The following BTBD7 variants were observed in gnomAD, a reference collection of about 807,000 sequenced individuals.
BTBD7 encodes the protein BTB/POZ domain-containing protein 7.
A neutral mutation model predicts 99.9 loss-of-function variants in BTBD7; 38 were observed. The ratio of observed to expected loss-of-function variants is 0.38; its 90% CI spans 0.29 to 0.50. The LOEUF is 0.50. Ranked by LOEUF, BTBD7 falls within the 20% of genes least tolerant of loss-of-function variation. The pLI, the probability that BTBD7 is intolerant of heterozygous loss-of-function variation, is 0.93. For missense variants in BTBD7, 1,170 were observed against 1,394.6 expected (o/e 0.84, Z 2.57); for synonymous variants, 520 against 511.4 (o/e 1.02, Z -0.23).
intron 10 of BTBD7, among the ~76,000 whole-genome samples, chr14:93,243,651 T>C (rs919288650): frequency 2.0e-5 from 3 of 152,228 alleles, no homozygotes; most frequent in African/African-American, 7.2e-5. Flanking sequence ...ATATAATCTG[T>C]CACTAAATCT....
chr14:93,280,751 T>C (rs2052709332), intron 3 of BTBD7, among the ~76,000 whole-genome samples: 1 of 152,136 alleles, frequency 6.6e-6, no homozygotes, highest in African/African-American at 2.4e-5. Context: ...AGGCAATTTC[T>C]GGACAGTTTA....
rs536094020 is a variant in BTBD7, at chr14:93,295,711, A to T, written c.82+259T>A. Among the ~76,000 whole-genome samples the T allele has an allele frequency of 3.9e-5, 6 of 152,350 alleles. No individual in the cohort carries two copies. In the South Asian group the frequency reaches 1.2e-3, roughly 32 times the overall value. On this transcript the variant is annotated intron_variant, in intron 2 of 10. Transcript: ENST00000334746. ...ATATGTACTTCGCTGTTTTAACACC[A>T]ATGGAGACTGCTAGTTTGCCTAAGG...
chr14:93,246,425 G>T, intron 9 of BTBD7, 139 bp from the exon 10 acceptor site: 1 of 1,020,886 alleles, frequency 9.8e-7, no homozygotes, highest in Non-Finnish European at 1.3e-6. Flanking sequence ...TATTTTTCTA[G>T]GCCAGAAGCC....
Position 93,242,890 on chromosome 14 carries a change from T to A in BTBD7, c.2782A>T (p.Thr928Ser), listed in dbSNP as rs539024790. 7.4e-6 allele frequency: 12 copies of A among 1,614,102 alleles called. No individual in the cohort carries two copies. The East Asian group carries it at 2.7e-4, about 36-fold the overall frequency. Residue 928 changes from threonine to serine, a missense_variant, in exon 11 of 11, where the codon ACA (threonine) becomes TCA (serine). By Grantham distance (58) the Thr-to-Ser change is moderately conservative. Coordinates refer to ENST00000334746, the MANE Select transcript of BTBD7 (RefSeq NM_001002860.4). ...RHTHTSRKKHTLEQKTDTREN... is the reference protein window; with the variant it reads ...RHTHTSRKKHSLEQKTDTREN... ...CTGGTGTCTGTTTTTTGCTCTAGTGTGTGTTTTTTCCGAGAAGTGTGTGTA... is the reference window on the plus strand; with the variant it reads ...CTGGTGTCTGTTTTTTGCTCTAGTGAGTGTTTTTTCCGAGAAGTGTGTGTA...
chr14:93,322,954 C>A lies in BTBD7; in HGVS notation c.-107+9866G>T, dbSNP rs10135176. ...ACAACACAGCAGGACCCCATCTCTA[C>A]AAAAAAAAATGTTTACAAATTAGCT... On this transcript the variant is annotated intron_variant, in intron 1 of 10. Transcript: ENST00000334746. 4.0e-5 allele frequency among the ~76,000 whole-genome samples: 6 copies of A among 150,834 alleles called. No homozygotes were observed. The South Asian group carries it at 1.3e-3, about 32-fold the overall frequency.
chr14:93,318,343 T>C (rs2053230988), intron 1 of BTBD7, among the ~76,000 whole-genome samples: 2 of 152,124 alleles, frequency 1.3e-5, no homozygotes. Context: ...GGAAGAGGCA[T>C]GAGGGGGGCT....
chr14:93,242,933 C>G lies in BTBD7; in HGVS notation c.2739G>C (p.Ser913=). 6.2e-7 allele frequency: 1 copy of G among 1,614,012 alleles called. No homozygotes were observed. Among genetic ancestry groups the G allele is most frequent in the Middle Eastern group, 1.6e-4 (1 of 6,062 alleles). The change falls in exon 11 of 11, where the codon TCG becomes TCC. Residue 913 remains serine (S), a synonymous_variant. Coordinates refer to ENST00000334746, the MANE Select transcript of BTBD7 (RefSeq NM_001002860.4). The part of the protein sequence containing the change: ...EAGPGPPQHL[S]CIPQRHTHTS... ...TGTGTGTATGTCTCTGTGGAATACACGACAGATGCTGGGGAGGCCCTGGTC... is the reference window on the plus strand; with the variant it reads ...TGTGTGTATGTCTCTGTGGAATACAGGACAGATGCTGGGGAGGCCCTGGTC...
At position 93,257,258 on chromosome 14, in the gene BTBD7, A is replaced by G; in HGVS notation, c.1545T>C (p.Ser515=). 1.2e-6 allele frequency: 2 copies of G among 1,614,176 alleles called. No homozygotes were observed. The highest frequency in any genetic ancestry group is 1.7e-6 in the Non-Finnish European group (2 of 1,180,000). ...DMEELREILS[S]LLPFVRIEHI... is the part of the protein sequence containing the mutation. ...GTTCAATTCGCACAAAAGGTAAGAG[A>G]GAAGAAAGGATCTCTCTGAGCTCTT... The change falls in exon 6 of 11, where the codon TCT becomes TCC. Residue 515 remains serine (S), a synonymous_variant. Coordinates refer to ENST00000334746, the MANE Select transcript of BTBD7 (RefSeq NM_001002860.4).
intron 1 of BTBD7, among the ~76,000 whole-genome samples, chr14:93,313,105 G>A (rs2053157149): frequency 6.6e-6 from 1 of 152,162 alleles, no homozygotes; most frequent in Non-Finnish European, 1.5e-5. Context: ...ACCTATGTTA[G>A]TTTAGGTTCG....
chr14:93,239,341 C>G lies in BTBD7; in HGVS notation c.*2932G>C, dbSNP rs74714440. On this transcript the variant is annotated 3_prime_UTR_variant, in exon 11 of 11. Transcript: ENST00000334746. ...GATTGTCCAAAGGCCTGATTGTCCA[C>G]GATCTCAAAAGGAGATCTGGTATTT... is the stretch of plus-strand genomic sequence containing the variant. The G allele has an allele frequency of 6.6e-6, 1 of 152,556 alleles. No homozygotes were observed. Among genetic ancestry groups the G allele is most frequent in the Admixed American group, 6.5e-5 (1 of 15,280 alleles). The allele number at this position is 152,556 out of a possible 1,614,324, so 9.5% of individuals were successfully genotyped here.
In BTBD7 at chr14:93,246,462, T is replaced by C. The variant is rs553541997; in HGVS notation, c.2122-176A>G. ...AAGAAAAAAATCACCTTAGTTATAG[T>C]ACAAAGGCACAGAGTGCAGCCTAGG... On this transcript the variant is annotated intron_variant, in intron 9 of 10. Coordinates refer to ENST00000334746, the MANE Select transcript of BTBD7 (RefSeq NM_001002860.4). Among the ~76,000 whole-genome samples the C allele has an allele frequency of 4.6e-5, 7 of 152,358 alleles. No homozygotes were observed. In the East Asian group the frequency reaches 1.3e-3, roughly 29 times the overall value.
intron 3 of BTBD7, chr14:93,288,726 G>A: frequency 6.2e-7 from 1 of 1,605,354 alleles, no homozygotes; most frequent in South Asian, 1.1e-5. Flanking sequence ...CAAATGGAAG[G>A]CAAGCTGGCT....
intron 3 of BTBD7, among the ~76,000 whole-genome samples, chr14:93,289,133 A>G (rs187153486): frequency 1.3e-4 from 20 of 152,354 alleles, no homozygotes; most frequent in Admixed American, 3.9e-4. Context: ...AAGAACAGAC[A>G]AATGGACCAC....
Position 93,243,012 on chromosome 14 carries a change from C to T in BTBD7, c.2660G>A (p.Arg887Lys), listed in dbSNP as rs370004718. ...GVSTLSLKDR[R>K]LPELAVDTEL... is the part of the protein sequence containing the mutation. ...TGTGTCTACAGCAAGCTCTGGAAGC[C>T]TCCTGTCCTTGAGTGACAGTGTGGA... Residue 887 changes from arginine (R) to lysine (K), a missense_variant, in exon 11 of 11, where the codon AGG (arginine) becomes AAG (lysine). Arg to Lys is a conservative substitution (Grantham distance 26). Transcript: ENST00000334746. 9.9e-6 allele frequency: 16 copies of T among 1,613,986 alleles called. No homozygotes were observed. The African/African-American group carries it at 1.5e-4, about 15-fold the overall frequency.
chr14:93,297,276 G>A (rs890412709), intron 1 of BTBD7, among the ~76,000 whole-genome samples: 7 of 152,082 alleles, frequency 4.6e-5, no homozygotes, highest in African/African-American at 1.4e-4. Flanking sequence ...TAAAAATATC[G>A]TTAACATTTG....
chr14:93,261,742 A>AAATTAAC, intron 4 of BTBD7, 65 bp from the exon 5 acceptor site: 3 of 1,218,936 alleles, frequency 2.5e-6, no homozygotes, highest in Non-Finnish European at 3.6e-6. Context: ...TTCATTAAGG[A>AAATTAAC]CTTTTCGTAG....
At chr14:93,300,890 A>G (rs2052996876) in intron 1 of BTBD7, among the ~76,000 whole-genome samples, 1 of 151,784 alleles carries the variant, frequency 6.6e-6, no homozygotes, top group Non-Finnish European at 1.5e-5. Flanking sequence ...TGCTGGGATT[A>G]CAGGTGTGAC....
Position 93,294,108 on chromosome 14 carries a change from G to A in BTBD7, c.912C>T (p.Asp304=), listed in dbSNP as rs1206598174. 6.2e-7 allele frequency: 1 copy of A among 1,614,056 alleles called. No homozygotes were observed. Among genetic ancestry groups the A allele is most frequent in the Non-Finnish European group, 8.5e-7 (1 of 1,179,998 alleles). Reference sequence around the variant, plus strand: ...TTCTTGTGGGAGTCCTCAAAGTTCGGTCTGTGATTTCTTCACCAGTTCGTA... The same window carrying A: ...TTCTTGTGGGAGTCCTCAAAGTTCGATCTGTGATTTCTTCACCAGTTCGTA... The part of the protein sequence containing the change: ...RRIRTGEEIT[D]RTLRTPTRII... Residue 304 remains aspartate (D), a synonymous_variant, in exon 3 of 11, where the codon GAC becomes GAT. Coordinates refer to ENST00000334746, the MANE Select transcript of BTBD7 (RefSeq NM_001002860.4).
chr14:93,320,253 G>A (rs952381394), intron 1 of BTBD7, among the ~76,000 whole-genome samples: 15 of 152,132 alleles, frequency 9.9e-5, no homozygotes, highest in African/African-American at 3.6e-4. Flanking sequence ...TGGGGTGATT[G>A]TTCTCCCCTT....
Sources: gnomAD v4.1 joint callset for allele counts (sites outside exome capture counted in the v4.1 genomes callset) on GRCh38, gnomAD v4.1.1 for gene constraint, MANE v1.5 for transcripts, NCBI Gene and HGNC (gene_info 2026-07-23, HGNC 2026-07-21) for gene names.